The following ITSN1 variants were observed in gnomAD, a reference collection of about 807,000 sequenced individuals.
ITSN1 encodes the protein intersectin-1.
In ITSN1, 58 loss-of-function variants were observed where a neutral mutation model predicts 239.8. The observed-to-expected ratio is 0.24, with a 90% CI of 0.20 to 0.30. The LOEUF (loss-of-function observed/expected upper bound fraction) is 0.30. Among genes scored for constraint, ITSN1 ranks in the 10% least tolerant of loss-of-function variants. The pLI is 1.00. For synonymous variants in ITSN1, 780 were observed against 770.8 expected, an observed-to-expected ratio of 1.01 and a Z score of -0.20; for missense variants, 1,558 against 2,103.3, an observed-to-expected ratio of 0.74 and a Z score of 5.07.
chr21:33,680,388 A>G (rs1417546263), intron 1 of ITSN1, among the ~76,000 whole-genome samples: 8 of 150,428 alleles, frequency 5.3e-5, no homozygotes, highest in African/African-American at 1.2e-4. Context: ...CTGGAATGCA[A>G]TGGCGCAATC....
intron 9 of ITSN1, among the ~76,000 whole-genome samples, chr21:33,764,356 C>T (rs1024156208): frequency 6.6e-6 from 1 of 152,082 alleles, no homozygotes; most frequent in East Asian, 1.9e-4. Flanking sequence ...ACTGGTTTAC[C>T]TAGGACTGGC....
chr21:33,685,528 T>C (rs2146577122), intron 1 of ITSN1, among the ~76,000 whole-genome samples: 1 of 150,860 alleles, frequency 6.6e-6, no homozygotes, highest in African/African-American at 2.4e-5. Context: ...TAAAGCTACC[T>C]CATAATAGCT....
At chr21:33,656,442 C>T (rs1051467431) in intron 1 of ITSN1, among the ~76,000 whole-genome samples, 2 of 152,178 alleles carry the variant, frequency 1.3e-5, no homozygotes, top group Non-Finnish European at 2.9e-5. Flanking sequence ...TGACCTCATG[C>T]AAAAACCAAT....
At chr21:33,808,200 A>G (rs546004826) in intron 20 of ITSN1, among the ~76,000 whole-genome samples, 1 of 152,276 alleles carries the variant, frequency 6.6e-6, no homozygotes, top group South Asian at 2.1e-4. Context: ...TCTCAAAAAA[A>G]AAAAAAGACC....
intron 34 of ITSN1, among the ~76,000 whole-genome samples, chr21:33,881,406 C>CAAA (rs1207634551): frequency 1.3e-4 from 10 of 75,048 alleles, no homozygotes; most frequent in Admixed American, 3.2e-4. Context: ...GACTCTGTCT[C>CAAA]AAAAAAAAAA....
intron 3 of ITSN1, among the ~76,000 whole-genome samples, chr21:33,721,624 C>T (rs766456213): frequency 5.3e-5 from 8 of 151,262 alleles, no homozygotes; most frequent in East Asian, 4.0e-4. Context: ...GGTGAAACCC[C>T]GTCTCTACTA....
chr21:33,858,199 G>A (rs1979734853), intron 30 of ITSN1, among the ~76,000 whole-genome samples: 1 of 152,188 alleles, frequency 6.6e-6, no homozygotes, highest in South Asian at 2.1e-4. Context: ...CACAGCGATG[G>A]AGTCAGTCAC....
At chr21:33,784,983 C>T (rs1344284645) in intron 16 of ITSN1, among the ~76,000 whole-genome samples, 1 of 152,132 alleles carries the variant, frequency 6.6e-6, no homozygotes, top group Non-Finnish European at 1.5e-5. Flanking sequence ...CACATCTAAC[C>T]TGATAGTGTG....
intron 24 of ITSN1, 86 bp downstream of exon 24, chr21:33,819,409 A>T: frequency 2.1e-6 from 2 of 938,990 alleles, no homozygotes; most frequent in Non-Finnish European, 3.4e-6. Flanking sequence ...TCATCTTAAG[A>T]TAGACTGCAT....
chr21:33,759,237 G>A (rs1471460967), intron 8 of ITSN1, among the ~76,000 whole-genome samples: 1 of 152,224 alleles, frequency 6.6e-6, no homozygotes, highest in Non-Finnish European at 1.5e-5. Flanking sequence ...AAAACAGGCA[G>A]TGGGCCAGAT....
intron 1 of ITSN1, among the ~76,000 whole-genome samples, chr21:33,684,924 C>A (rs147771917): frequency 7.2e-5 from 11 of 152,274 alleles, no homozygotes; most frequent in African/African-American, 2.6e-4. Flanking sequence ...GATTTACTTT[C>A]TAAAACTAGC....
chr21:33,704,346 A>G (rs116672407), intron 1 of ITSN1, among the ~76,000 whole-genome samples: 1 of 152,128 alleles, frequency 6.6e-6, no homozygotes, highest in Admixed American at 6.5e-5. Flanking sequence ...TTCGTTTTCC[A>G]GTGCCTTTAT....
At chr21:33,794,818 G>C (rs762277814) in intron 17 of ITSN1, among the ~76,000 whole-genome samples, 1 of 152,154 alleles carries the variant, frequency 6.6e-6, no homozygotes, top group Non-Finnish European at 1.5e-5. Context: ...TAAAATCCAA[G>C]CCACTGAGCT....
rs1244875444 is a variant in ITSN1, at chr21:33,892,656, A to AG, written c.*4362dup. ...AGAACAGCCCTAACCTGCACTAGTG[A>AG]GGGGGGCTCAGGAATTCCCATGACA... On this transcript the variant is annotated 3_prime_UTR_variant, in exon 40 of 40. Coordinates refer to ENST00000381318, the MANE Select transcript of ITSN1 (RefSeq NM_003024.3). The AG allele has an allele frequency of 6.6e-6, 1 of 152,118 alleles. No individual in the cohort carries two copies. The highest frequency in any genetic ancestry group is 6.5e-5 in the Admixed American group (1 of 15,274). 9.4% of individuals were successfully genotyped at this position (152,118 alleles called of 1,614,324 possible).
chr21:33,855,383 T>G (rs916982985), intron 29 of ITSN1, among the ~76,000 whole-genome samples: 2 of 152,228 alleles, frequency 1.3e-5, no homozygotes, highest in Non-Finnish European at 2.9e-5. Context: ...GGTTTTGCAC[T>G]GTGCTCCATT....
intron 34 of ITSN1, among the ~76,000 whole-genome samples, chr21:33,881,918 C>G (rs536100010): frequency 4.7e-5 from 7 of 148,694 alleles, no homozygotes; most frequent in African/African-American, 1.7e-4. Context: ...TGCACTCCAG[C>G]CTGGGCAACA....
intron 1 of ITSN1, among the ~76,000 whole-genome samples, chr21:33,703,175 AATAT>A (rs557501209): frequency 6.7e-6 from 1 of 150,132 alleles, no homozygotes; most frequent in South Asian, 2.1e-4. Context: ...ATATATAAAG[AATAT>A]ATATGCGTAT....
chr21:33,802,580 A>T, intron 20 of ITSN1, 136 bp downstream of exon 20: 1 of 801,568 alleles, frequency 1.2e-6, no homozygotes, highest in East Asian at 2.6e-5. Context: ...TCTGTGTAGT[A>T]GGTTGTGCTT....
intron 20 of ITSN1, among the ~76,000 whole-genome samples, chr21:33,805,257 T>C (rs2072323102): frequency 6.6e-6 from 1 of 152,268 alleles, no homozygotes; most frequent in East Asian, 1.9e-4. Flanking sequence ...TTAGTAGTTA[T>C]CAGTCATTAG....
Sources: gnomAD v4.1 joint callset for allele counts (sites outside exome capture counted in the v4.1 genomes callset) on GRCh38, gnomAD v4.1.1 for gene constraint, MANE v1.5 for transcripts, NCBI Gene and HGNC (gene_info 2026-07-23, HGNC 2026-07-21) for gene names.